Variants in UMAD1 observed in about 807,000 individuals in gnomAD.
UMAD1 encodes the protein UBAP1-MVB12-associated (UMA) domain containing 1.
In UMAD1, 8 loss-of-function variants were observed where a neutral mutation model predicts 6.1. The observed-to-expected ratio is 1.30, with a 90% confidence interval of 0.76 to 2.35. UMAD1 has a LOEUF of 2.35. Among genes scored for constraint, UMAD1 ranks in the 30% most tolerant of loss-of-function variants. The probability of loss-of-function intolerance (pLI) is 0.00; values close to 1 mark genes in which losing one functional copy is unlikely to be tolerated. For missense variants in UMAD1, 130 were observed against 78.4 expected (o/e 1.66, Z -2.49); for synonymous variants, 56 against 31.4 (o/e 1.78, Z -2.61).
At chr7:7,697,056 G>A (rs1780337799) in intron 2 of UMAD1, among the ~76,000 whole-genome samples, 1 of 152,126 alleles carries the variant, frequency 6.6e-6, no homozygotes, top group African/African-American at 2.4e-5. Flanking sequence ...GCAGTCAGCA[G>A]GAACGGTCTT....
chr7:7,822,336 G>A (rs1241146119), intron 3 of UMAD1, among the ~76,000 whole-genome samples: 2 of 151,918 alleles, frequency 1.3e-5, no homozygotes, highest in Non-Finnish European at 2.9e-5. Flanking sequence ...ATTTGAATTA[G>A]TCATCTAGTT....
chr7:7,686,193 GC>G (rs1159994201), intron 2 of UMAD1, among the ~76,000 whole-genome samples: 1 of 152,154 alleles, frequency 6.6e-6, no homozygotes, highest in East Asian at 1.9e-4. Context: ...AGGTGGTGGG[GC>G]AGATTGTGTA....
At chr7:7,723,569 A>G (rs1194279409) in intron 2 of UMAD1, among the ~76,000 whole-genome samples, 1 of 152,214 alleles carries the variant, frequency 6.6e-6, no homozygotes, top group Non-Finnish European at 1.5e-5. Flanking sequence ...GAGGGTCCAG[A>G]AGATATACTT....
chr7:7,715,949 T>A (rs1780891313), intron 2 of UMAD1, among the ~76,000 whole-genome samples: 1 of 152,244 alleles, frequency 6.6e-6, no homozygotes, highest in Non-Finnish European at 1.5e-5. Flanking sequence ...TACAAGGAGA[T>A]AGTATAAAAC....
chr7:7,726,115 T>G (rs1019043241), intron 2 of UMAD1, among the ~76,000 whole-genome samples: 1 of 152,142 alleles, frequency 6.6e-6, no homozygotes, highest in African/African-American at 2.4e-5. Context: ...AGAAGCATGA[T>G]TGGAAAATTG....
chr7:7,848,930 A>G (rs941540545), intron 3 of UMAD1, among the ~76,000 whole-genome samples: 3 of 152,160 alleles, frequency 2.0e-5, no homozygotes, highest in African/African-American at 4.8e-5. Flanking sequence ...GAAAAACTCT[A>G]TATGCCACAT....
In UMAD1 at chr7:7,791,220, G is replaced by C. The variant is rs576218193; in HGVS notation, c.83-10450G>C. Among the ~76,000 whole-genome samples the C allele has an allele frequency of 1.3e-4, 20 of 152,300 alleles. No homozygotes were observed. The South Asian group carries it at 3.7e-3, about 28-fold the overall frequency. On this transcript the variant is annotated intron_variant, in intron 2 of 3. Coordinates refer to ENST00000682710, the MANE Select transcript of UMAD1 (RefSeq NM_001302348.2). ...ATTTTATTTTCTATTTACATATTTA[G>C]GCTTTAAGCTGTACACACCAAAAAT... is the stretch of plus-strand genomic sequence containing the variant.
At chr7:7,778,054 T>C (rs1198520754) in intron 2 of UMAD1, among the ~76,000 whole-genome samples, 1 of 152,240 alleles carries the variant, frequency 6.6e-6, no homozygotes, top group African/African-American at 2.4e-5. Context: ...CTATCAGTGT[T>C]ACTCTCTATT....
At chr7:7,808,458 G>A (rs1237611718) in intron 3 of UMAD1, among the ~76,000 whole-genome samples, 1 of 151,964 alleles carries the variant, frequency 6.6e-6, no homozygotes, top group Non-Finnish European at 1.5e-5. Flanking sequence ...AACTGGAACC[G>A]TATTAGCTAA....
intron 3 of UMAD1, among the ~76,000 whole-genome samples, chr7:7,844,731 A>G (rs867131725): frequency 2.0e-5 from 3 of 152,302 alleles, no homozygotes; most frequent in Middle Eastern, 3.4e-3. Flanking sequence ...TTAGGCATCT[A>G]CCATCCACAG....
At chr7:7,854,717 C>G (rs1476678323) in intron 3 of UMAD1, among the ~76,000 whole-genome samples, 1 of 152,206 alleles carries the variant, frequency 6.6e-6, no homozygotes, top group African/African-American at 2.4e-5. Context: ...CTCATGTCCT[C>G]ACATTTCAAA....
rs1008883982 is a variant in UMAD1, at chr7:7,877,728, C to T, written c.*190C>T. On this transcript the variant is annotated 3_prime_UTR_variant, in exon 4 of 4. Transcript: ENST00000682710. Reference sequence around the variant, plus strand: ...TTTGTATACAAATTGAACTTAAGTTCTACTTCCTTTCTCCCATATAATAAA... The same window carrying T: ...TTTGTATACAAATTGAACTTAAGTTTTACTTCCTTTCTCCCATATAATAAA... 7.2e-6 allele frequency: 4 copies of T among 552,932 alleles called. No homozygotes were observed. The highest frequency in any genetic ancestry group is 3.3e-5 in the Admixed American group (1 of 30,544). The allele number at this position is 552,932 out of a possible 1,614,324, so 34.3% of individuals were successfully genotyped here.
chr7:7,813,508 T>C (rs1052841068), intron 3 of UMAD1, among the ~76,000 whole-genome samples: 1 of 152,262 alleles, frequency 6.6e-6, no homozygotes, highest in South Asian at 2.1e-4. Flanking sequence ...CCAGCCCCTT[T>C]TTCTGCCTTT....
chr7:7,784,405 G>A (rs1454187162), intron 2 of UMAD1, among the ~76,000 whole-genome samples: 1 of 148,450 alleles, frequency 6.7e-6, no homozygotes, highest in Admixed American at 6.7e-5. Flanking sequence ...GTGCTACCTT[G>A]GCTCACTGCA....
At chr7:7,823,011 C>T (rs1783270006) in intron 3 of UMAD1, among the ~76,000 whole-genome samples, 1 of 151,824 alleles carries the variant, frequency 6.6e-6, no homozygotes, top group Admixed American at 6.6e-5. Flanking sequence ...ATTATTTATT[C>T]TTTCTTTAAG....
intron 3 of UMAD1, among the ~76,000 whole-genome samples, chr7:7,834,423 T>A (rs1783526558): frequency 6.6e-6 from 1 of 152,198 alleles, no homozygotes; most frequent in African/African-American, 2.4e-5. Context: ...CTCCACCATG[T>A]CATTGGACAC....
intron 2 of UMAD1, among the ~76,000 whole-genome samples, chr7:7,681,161 T>G (rs1490649627): frequency 6.6e-6 from 1 of 152,192 alleles, no homozygotes; most frequent in African/African-American, 2.4e-5. Flanking sequence ...GATTATCTCC[T>G]TATGTGGCCT....
chr7:7,795,063 T>G (rs1381339691), intron 2 of UMAD1, among the ~76,000 whole-genome samples: 1 of 152,206 alleles, frequency 6.6e-6, no homozygotes, highest in African/African-American at 2.4e-5. Flanking sequence ...ACCCCTACTT[T>G]GAGATATCCC....
chr7:7,823,501 T>G (rs1783281965), intron 3 of UMAD1, among the ~76,000 whole-genome samples: 1 of 152,120 alleles, frequency 6.6e-6, no homozygotes, highest in East Asian at 1.9e-4. Flanking sequence ...TGTTTGGCCC[T>G]CCTGCACTCC....
Sources: gnomAD v4.1 joint callset for allele counts (sites outside exome capture counted in the v4.1 genomes callset) on GRCh38, gnomAD v4.1.1 for gene constraint, MANE v1.5 for transcripts, NCBI Gene and HGNC (gene_info 2026-07-23, HGNC 2026-07-21) for gene names.